The following FGF1 variants were observed in gnomAD, a reference collection of about 807,000 sequenced individuals.
FGF1 encodes fibroblast growth factor 1.
In FGF1, 9 loss-of-function variants were observed where a neutral mutation model predicts 13.4. That is an observed-to-expected ratio of 0.67 (90% CI 0.40 to 1.17). FGF1 has a LOEUF of 1.17. FGF1 is among the 50% of genes most tolerant of loss of function. The pLI is 0.01. For synonymous variants in FGF1, 93 were observed against 79.0 expected, an observed-to-expected ratio of 1.18 and a Z score of -0.94; for missense variants, 156 against 192.7, an observed-to-expected ratio of 0.81 and a Z score of 1.13.
chr5:142,607,897 A>G (rs1758037108), intron 2 of FGF1, among the ~76,000 whole-genome samples: 1 of 152,102 alleles, frequency 6.6e-6, no homozygotes, highest in Non-Finnish European at 1.5e-5. Flanking sequence ...CCCGCAACTC[A>G]CTGTTCACAC....
chr5:142,622,180 T>C (rs967001825), intron 1 of FGF1, among the ~76,000 whole-genome samples: 1 of 152,272 alleles, frequency 6.6e-6, no homozygotes, highest in African/African-American at 2.4e-5. Context: ...ATCTGTTGAA[T>C]GGGCAAATGA....
rs1754539081 is a variant in FGF1, at chr5:142,592,874, G to A, written c.*2416C>T. On this transcript the variant is annotated 3_prime_UTR_variant, in exon 4 of 4. Coordinates refer to ENST00000337706, the MANE Select transcript of FGF1 (RefSeq NM_000800.5). The stretch of plus-strand genomic sequence containing the variant: ...TATTCAGCAGGAACCTACAAAGTCT[G>A]TGTTTATTCTTGACTGAAAGAATTG... The A allele has an allele frequency of 6.4e-6, 1 of 155,936 alleles. No homozygotes were observed. The highest frequency in any genetic ancestry group is 2.4e-5 in the African/African-American group (1 of 41,610). 9.7% of individuals were successfully genotyped at this position (155,936 alleles called of 1,614,324 possible). A position where few individuals can be genotyped will look rare whatever the true frequency, so the allele number is the denominator to read the frequency against.
At chr5:142,647,487 T>A (rs189808982) in intron 1 of FGF1, among the ~76,000 whole-genome samples, 70 of 152,334 alleles carry the variant, frequency 4.6e-4, no homozygotes, top group African/African-American at 1.6e-3. Context: ...CACATGTTCA[T>A]AAACTTGTAG....
intron 2 of FGF1, among the ~76,000 whole-genome samples, chr5:142,695,581 C>CAAAAA (rs1202362613): frequency 2.0e-4 from 23 of 117,278 alleles, no homozygotes; most frequent in South Asian, 3.1e-4. Context: ...GACTCTGTAT[C>CAAAAA]AAAAAGAAAA....
intron 1 of FGF1, among the ~76,000 whole-genome samples, chr5:142,656,232 T>C (rs1386491812): frequency 6.6e-6 from 1 of 152,152 alleles, no homozygotes; most frequent in Non-Finnish European, 1.5e-5. Context: ...AAATGGATGG[T>C]TAAACCGAGA....
At chr5:142,632,848 G>A (rs571497630) in intron 1 of FGF1, among the ~76,000 whole-genome samples, 1 of 151,868 alleles carries the variant, frequency 6.6e-6, no homozygotes, top group Non-Finnish European at 1.5e-5. Context: ...TGTAATGGTT[G>A]CACAGGAGTC....
chr5:142,641,083 G>T (rs1765131799), intron 1 of FGF1, among the ~76,000 whole-genome samples: 1 of 152,062 alleles, frequency 6.6e-6, no homozygotes, highest in South Asian at 2.1e-4. Flanking sequence ...GGCGTATAGA[G>T]ATCCCACACT....
chr5:142,629,631 A>C (rs1763004758), intron 1 of FGF1, among the ~76,000 whole-genome samples: 2 of 151,940 alleles, frequency 1.3e-5, no homozygotes, highest in South Asian at 4.2e-4. Flanking sequence ...GATTGTGTTT[A>C]CTTTTTTGTT....
intron 1 of FGF1, among the ~76,000 whole-genome samples, chr5:142,672,728 C>T (rs1186581312): frequency 6.6e-6 from 1 of 152,154 alleles, no homozygotes; most frequent in Non-Finnish European, 1.5e-5. Flanking sequence ...TCGTCTCGAA[C>T]TCCTGATCTC....
At chr5:142,616,126 G>GCA (rs1294588211) in intron 1 of FGF1, among the ~76,000 whole-genome samples, 2 of 152,208 alleles carry the variant, frequency 1.3e-5, no homozygotes, top group Non-Finnish European at 2.9e-5. Flanking sequence ...GCAGCTGTGC[G>GCA]GAGCTGCTCT....
chr5:142,666,102 A>T lies in FGF1; in HGVS notation c.-35+19855T>A. On this transcript the variant is annotated intron_variant, in intron 1 of 3. Transcript: ENST00000337706. ...ATTGCATCATAACACAAGCTACTCTAGTATGGCACTTGCTGAAAAGTTCTC... is the reference window on the plus strand; with the variant it reads ...ATTGCATCATAACACAAGCTACTCTTGTATGGCACTTGCTGAAAAGTTCTC... 3.1e-5 allele frequency among the ~76,000 whole-genome samples: 2 copies of T among 64,006 alleles called. 1 individual carries two copies. The highest frequency in any genetic ancestry group is 8.9e-4 in the East Asian group (2 of 2,256). The allele number at this position is 64,006 out of a possible 152,430, so 42.0% of individuals were successfully genotyped here.
rs531774610 is a variant in FGF1, at chr5:142,609,492, G to A, written c.169+4467C>T. Among the ~76,000 whole-genome samples, 8 of 152,306 alleles carry A rather than the reference G, an allele frequency of 5.3e-5. No individual in the cohort carries two copies. In the South Asian group the frequency reaches 1.7e-3, roughly 32 times the overall value. ...CAGAAAGATCAGAGTCAATCACAGA[G>A]CAGACTTGCCCTGCCAGAGGAGTGA... On this transcript the variant is annotated intron_variant, in intron 2 of 3. Transcript: ENST00000337706.
At chr5:142,633,708 G>A (rs1018106267) in intron 1 of FGF1, among the ~76,000 whole-genome samples, 3 of 152,184 alleles carry the variant, frequency 2.0e-5, no homozygotes, top group African/African-American at 7.2e-5. Context: ...CTTTGGACTT[G>A]CCTTTTGCCT....
chr5:142,647,596 C>A (rs773836851), intron 1 of FGF1, among the ~76,000 whole-genome samples: 2 of 152,084 alleles, frequency 1.3e-5, no homozygotes. Flanking sequence ...TAGATGGGAC[C>A]CAAATCTAAA....
chr5:142,608,542 C>CTATATATATA (rs369107817), intron 2 of FGF1, among the ~76,000 whole-genome samples: 4 of 76,028 alleles, frequency 5.3e-5, no homozygotes, highest in Non-Finnish European at 1.1e-4. Flanking sequence ...ATATACACAT[C>CTATATATATA]TATATATATA....
Position 142,595,266 on chromosome 5 carries a change from G to C in FGF1, c.*24C>G, listed in dbSNP as rs1755009277. ...GGACCCCTCGAAACTTCTCTGGAGTGGTCAACACCCAGAACAGATCTCTTT... is the reference window on the plus strand; with the variant it reads ...GGACCCCTCGAAACTTCTCTGGAGTCGTCAACACCCAGAACAGATCTCTTT... On this transcript the variant is annotated 3_prime_UTR_variant, in exon 4 of 4. Coordinates refer to ENST00000337706, the MANE Select transcript of FGF1 (RefSeq NM_000800.5). 2 of 1,603,944 alleles carry C rather than the reference G, an allele frequency of 1.2e-6. No individual in the cohort carries two copies. Among genetic ancestry groups the C allele is most frequent in the Non-Finnish European group, 1.7e-6 (2 of 1,174,362 alleles).
chr5:142,639,546 T>C (rs537777459), intron 1 of FGF1, among the ~76,000 whole-genome samples: 1 of 151,932 alleles, frequency 6.6e-6, no homozygotes, highest in Admixed American at 6.5e-5. Context: ...GAGAGTAGAA[T>C]GGTGGTTGCC....
At chr5:142,650,080 C>A (rs1009959155) in intron 1 of FGF1, among the ~76,000 whole-genome samples, 1 of 152,162 alleles carries the variant, frequency 6.6e-6, no homozygotes, top group Non-Finnish European at 1.5e-5. Flanking sequence ...ATCTACATTG[C>A]AATAAACATC....
upstream of FGF1, among the ~76,000 whole-genome samples, chr5:142,688,740 G>A (rs573922767): frequency 3.7e-4 from 57 of 152,328 alleles, no homozygotes; most frequent in Non-Finnish European, 4.7e-4. Flanking sequence ...ACAGAGACGT[G>A]GGCTTGCCCC....
Sources: allele counts gnomAD v4.1 joint callset (sites outside exome capture counted in the v4.1 genomes callset), GRCh38; gene constraint gnomAD v4.1.1; transcripts MANE v1.5; gene names NCBI Gene and HGNC (gene_info 2026-07-23, HGNC 2026-07-21).